Variants in PIK3C2A observed in about 807,000 individuals in gnomAD.
PIK3C2A encodes the protein phosphatidylinositol 4-phosphate 3-kinase C2 domain-containing subunit alpha.
In PIK3C2A, 97 loss-of-function variants were observed where a neutral mutation model predicts 204.5. The ratio of observed to expected loss-of-function variants is 0.47; its 90% confidence interval spans 0.40 to 0.56. The LOEUF is 0.56. PIK3C2A is among the 20% of genes least tolerant of loss of function. The probability of loss-of-function intolerance (pLI) is 0.00; values close to 1 mark genes in which losing one functional copy is unlikely to be tolerated. For synonymous variants in PIK3C2A, 653 were observed against 664.4 expected (o/e 0.98, Z 0.26); for missense variants, 1,735 against 1,969.2 (o/e 0.88, Z 2.25).
At chr11:17,182,264 T>A (rs1851592622) in intron 1 of PIK3C2A, among the ~76,000 whole-genome samples, 1 of 152,168 alleles carries the variant, frequency 6.6e-6, no homozygotes, top group Admixed American at 6.6e-5. Context: ...TTGTGCACTT[T>A]TCTGTGCGTT....
chr11:17,195,084 C>T (rs1852101566), intron 1 of PIK3C2A, among the ~76,000 whole-genome samples: 1 of 151,960 alleles, frequency 6.6e-6, no homozygotes. Flanking sequence ...TAATTTTACC[C>T]TGTGGATTTC....
chr11:17,091,807 AT>A, intron 30 of PIK3C2A, 151 bp from the exon 31 acceptor site: 1 of 662,572 alleles, frequency 1.5e-6, no homozygotes, highest in South Asian at 1.9e-5. Context: ...TCATTGATTT[AT>A]ACTTCTTTAG....
At position 17,169,462 on chromosome 11, in the gene PIK3C2A, T is replaced by C; in HGVS notation, c.280A>G (p.Lys94Glu). 1 of 1,614,146 alleles carries C rather than the reference T, an allele frequency of 6.2e-7. No individual in the cohort carries two copies. The highest frequency in any genetic ancestry group is 8.5e-7 in the Non-Finnish European group (1 of 1,180,010). Reference sequence around the variant, plus strand: ...TTCTCAAGTTCAGCTTGGGTGAGCTTTTCTACATCAATATCTAATGCTCTT... The same window carrying C: ...TTCTCAAGTTCAGCTTGGGTGAGCTCTTCTACATCAATATCTAATGCTCTT... ...QKRALDIDVE[K>E]LTQAELEKLL... is the part of the protein sequence containing the mutation. The change falls in exon 2 of 33, where the codon AAG becomes GAG. Residue 94 changes from lysine (K) to glutamate (E), a missense_variant. Physicochemically the swap from Lys to Glu is moderately conservative, Grantham distance 56. Coordinates refer to ENST00000691414, the MANE Select transcript of PIK3C2A (RefSeq NM_002645.4).
chr11:17,165,088 T>A (rs1330066541), intron 2 of PIK3C2A, among the ~76,000 whole-genome samples: 1 of 152,052 alleles, frequency 6.6e-6, no homozygotes, highest in Non-Finnish European at 1.5e-5. Context: ...GAAGTTGAGT[T>A]TCGCAATGAA....
chr11:17,111,251 T>C (rs976290168), intron 21 of PIK3C2A, among the ~76,000 whole-genome samples: 139 of 152,296 alleles, frequency 9.1e-4, no homozygotes, highest in African/African-American at 1.8e-3. Flanking sequence ...ATCTGTGGGA[T>C]GATGAAATGT....
At chr11:17,118,770 G>A in intron 17 of PIK3C2A, 31 bp from the exon 18 acceptor site, 1 of 1,026,656 alleles carries the variant, frequency 9.7e-7, no homozygotes, top group Non-Finnish European at 1.5e-6. Context: ...AATTATTAGT[G>A]GTCTAACCCA....
chr11:17,147,847 A>C (rs1850294818), intron 5 of PIK3C2A, among the ~76,000 whole-genome samples: 2 of 152,200 alleles, frequency 1.3e-5, no homozygotes, highest in Admixed American at 6.5e-5. Flanking sequence ...GAAGGAAATA[A>C]GAAAAATCGG....
intron 1 of PIK3C2A, among the ~76,000 whole-genome samples, chr11:17,188,040 A>C (rs1311851274): frequency 6.6e-6 from 1 of 152,132 alleles, no homozygotes; most frequent in East Asian, 1.9e-4. Flanking sequence ...TAAAGATGAT[A>C]AATACGGGGA....
chr11:17,117,863 G>A (rs548586012), intron 18 of PIK3C2A, among the ~76,000 whole-genome samples, 192 bp from the exon 19 acceptor site: 4 of 151,458 alleles, frequency 2.6e-5, no homozygotes, highest in Non-Finnish European at 4.4e-5. Flanking sequence ...ATAGGCGCCC[G>A]CCACCACACC....
chr11:17,179,664 G>T (rs1013605881), intron 1 of PIK3C2A, among the ~76,000 whole-genome samples: 1 of 152,116 alleles, frequency 6.6e-6, no homozygotes. Flanking sequence ...CACTGAAGCT[G>T]AAGGGCAGTG....
chr11:17,114,510 G>C (rs1849116300), intron 19 of PIK3C2A, 45 bp from the exon 20 acceptor site: 2 of 879,652 alleles, frequency 2.3e-6, no homozygotes, highest in Non-Finnish European at 3.8e-6. Flanking sequence ...TGAAAATGAA[G>C]ATCTATTTTT....
intron 20 of PIK3C2A, among the ~76,000 whole-genome samples, chr11:17,113,555 G>A (rs1234618301): frequency 2.0e-5 from 3 of 152,052 alleles, no homozygotes; most frequent in East Asian, 3.8e-4. Flanking sequence ...GCTGGGCATG[G>A]TGGCTCACCT....
chr11:17,120,254 T>C (rs1176565445), intron 15 of PIK3C2A, among the ~76,000 whole-genome samples: 1 of 152,000 alleles, frequency 6.6e-6, no homozygotes, highest in Non-Finnish European at 1.5e-5. Flanking sequence ...TCTAACTAGA[T>C]GCCAGGCACT....
chr11:17,147,484 C>T (rs1382354714), intron 6 of PIK3C2A, 33 bp downstream of exon 6: 2 of 1,159,868 alleles, frequency 1.7e-6, no homozygotes, highest in African/African-American at 1.5e-5. Context: ...CAGATTCAAA[C>T]AAATGGAATT....
chr11:17,200,279 T>C (rs749567959), intron 1 of PIK3C2A, among the ~76,000 whole-genome samples: 3 of 152,118 alleles, frequency 2.0e-5, no homozygotes, highest in South Asian at 2.1e-4. Flanking sequence ...ACCTTGCAGG[T>C]TTGACCATTA....
Position 17,101,579 on chromosome 11 carries a change from T to C in PIK3C2A, c.3852-145A>G, listed in dbSNP as rs532481730. 13 of 428,584 alleles carry C rather than the reference T, an allele frequency of 3.0e-5. No homozygotes were observed. The Admixed American group carries it at 5.2e-4, about 17-fold the overall frequency. 26.5% of individuals were successfully genotyped at this position (428,584 alleles called of 1,614,324 possible). A position where few individuals can be genotyped will look rare whatever the true frequency, so the allele number is the denominator to read the frequency against. ...ACCACACACTTTTGAATTTCCATAA[T>C]TTTAAAATAACATTTTTCTTTTTTT... On this transcript the variant is annotated intron_variant, in intron 24 of 32. Transcript: ENST00000691414.
chr11:17,172,530 G>C (rs1323309229), intron 1 of PIK3C2A, among the ~76,000 whole-genome samples: 2 of 152,162 alleles, frequency 1.3e-5, no homozygotes, highest in Non-Finnish European at 1.5e-5. Context: ...ATAACCCACA[G>C]AATCATTTTG....
At chr11:17,204,918 C>T (rs1279313490) in intron 1 of PIK3C2A, among the ~76,000 whole-genome samples, 3 of 152,182 alleles carry the variant, frequency 2.0e-5, no homozygotes, top group African/African-American at 7.2e-5. Flanking sequence ...TGGCTCACAC[C>T]TGTAATCCCA....
chr11:17,202,035 C>T (rs1249864115), intron 1 of PIK3C2A, among the ~76,000 whole-genome samples: 1 of 151,976 alleles, frequency 6.6e-6, no homozygotes, highest in Admixed American at 6.6e-5. Context: ...GCGGGCAGAT[C>T]GCCTTAGGTC....
Sources: allele counts gnomAD v4.1 joint callset (sites outside exome capture counted in the v4.1 genomes callset), GRCh38; gene constraint gnomAD v4.1.1; transcripts MANE v1.5; gene names NCBI Gene and HGNC (gene_info 2026-07-23, HGNC 2026-07-21).